The following DPY30 variants were observed in gnomAD, a reference collection of about 807,000 sequenced individuals.
DPY30 encodes dpy-30 histone methyltransferase complex regulatory subunit.
In DPY30, 6 loss-of-function variants were observed where a neutral mutation model predicts 16.2. That is an observed-to-expected ratio of 0.37 (90% CI 0.20 to 0.73). The LOEUF (loss-of-function observed/expected upper bound fraction) is 0.73. DPY30 is among the 30% of genes least tolerant of loss of function. DPY30 has a pLI of 0.51. For missense variants in DPY30, 73 were observed against 113.1 expected (o/e 0.65, Z 1.61); for synonymous variants, 39 against 38.8 (o/e 1.00, Z -0.02).
intron 3 of DPY30, among the ~76,000 whole-genome samples, chr2:32,036,498 C>T (rs1253501382): frequency 1.3e-5 from 2 of 151,814 alleles, no homozygotes; most frequent in Admixed American, 6.6e-5. Context: ...GGTGAAACCC[C>T]GTCTCTACTA....
chr2:32,036,724 C>T (rs1298832200), intron 3 of DPY30, among the ~76,000 whole-genome samples: 4 of 144,762 alleles, frequency 2.8e-5, no homozygotes, highest in East Asian at 2.0e-4. Context: ...AAAAATTAGC[C>T]GGGCATGGTT....
intron 4 of DPY30, among the ~76,000 whole-genome samples, chr2:32,029,274 A>G (rs1675445471): frequency 6.6e-6 from 1 of 152,236 alleles, no homozygotes; most frequent in Non-Finnish European, 1.5e-5. Flanking sequence ...CTGTTTCAAA[A>G]TAACAATAAT....
intron 3 of DPY30, among the ~76,000 whole-genome samples, chr2:32,036,263 T>A (rs1675734127): frequency 6.6e-6 from 1 of 151,942 alleles, no homozygotes; most frequent in Admixed American, 6.6e-5. Context: ...CAGGCATGAG[T>A]CACGTCCCAT....
intron 3 of DPY30, among the ~76,000 whole-genome samples, chr2:32,037,429 C>T (rs1261266590): frequency 6.6e-6 from 1 of 152,106 alleles, no homozygotes; most frequent in African/African-American, 2.4e-5. Flanking sequence ...TTCAGCCTCC[C>T]AAGTAGCTGG....
chr2:32,019,112 G>A (rs1367880243), downstream of DPY30, among the ~76,000 whole-genome samples: 1 of 151,988 alleles, frequency 6.6e-6, no homozygotes, highest in Non-Finnish European at 1.5e-5. Context: ...TATTTATTTT[G>A]AGACAGAGTC....
At chr2:32,039,356 A>AT in intron 2 of DPY30, 30 bp from the exon 3 acceptor site, 1 of 1,614,148 alleles carries the variant, frequency 6.2e-7, no homozygotes, top group African/African-American at 1.3e-5. Context: ...TCACAGAGAT[A>AT]TAAGTCCCCC....
chr2:32,020,188 A>C (rs1012031812), downstream of DPY30, among the ~76,000 whole-genome samples: 1 of 152,044 alleles, frequency 6.6e-6, no homozygotes, highest in African/African-American at 2.4e-5. Context: ...CCTGGGTGAC[A>C]GAGCAAGACT....
chr2:32,014,691 G>C (rs1316713565), intron 5 of DPY30, among the ~76,000 whole-genome samples: 2 of 151,948 alleles, frequency 1.3e-5, no homozygotes, highest in African/African-American at 2.4e-5. Context: ...CACCATGTTA[G>C]CCAGGATGGT....
intron 3 of DPY30, among the ~76,000 whole-genome samples, chr2:32,036,974 T>G (rs1373497514): frequency 6.6e-6 from 1 of 152,230 alleles, no homozygotes; most frequent in East Asian, 1.9e-4. Context: ...CGTTATTTAT[T>G]GACGAGCAAA....
intron 4 of DPY30, among the ~76,000 whole-genome samples, chr2:32,026,569 T>C (rs1200749717): frequency 6.6e-6 from 1 of 152,220 alleles, no homozygotes; most frequent in African/African-American, 2.4e-5. Context: ...GGCAGGCAGA[T>C]CACCTGAAAT....
At chr2:32,030,915 A>G (rs1675515098) in intron 3 of DPY30, among the ~76,000 whole-genome samples, 1 of 152,208 alleles carries the variant, frequency 6.6e-6, no homozygotes, top group South Asian at 2.1e-4. Context: ...TTAATGTCAC[A>G]CTTAAATGAA....
At chr2:32,038,135 C>CTTTTTTTTTTT (rs35016868) in intron 3 of DPY30, among the ~76,000 whole-genome samples, 2 of 108,056 alleles carry the variant, frequency 1.9e-5, no homozygotes, top group African/African-American at 3.4e-5. Flanking sequence ...CATTTTCTTT[C>CTTTTTTTTTTT]TTTTTTTTTT....
intron 5 of DPY30, chr2:32,012,912 A>T (rs1028355434): frequency 2.6e-5 from 4 of 152,132 alleles, no homozygotes; most frequent in Non-Finnish European, 5.9e-5. Flanking sequence ...ATGGTTATTT[A>T]TTGCTGATTT....
intron 3 of DPY30, among the ~76,000 whole-genome samples, chr2:32,038,865 C>G (rs1029110336): frequency 3.3e-5 from 5 of 152,124 alleles, no homozygotes; most frequent in Non-Finnish European, 7.3e-5. Flanking sequence ...TCAGGCTGGT[C>G]TGGAACTCCT....
At chr2:32,031,735 A>G (rs182873870) in intron 3 of DPY30, among the ~76,000 whole-genome samples, 1 of 152,146 alleles carries the variant, frequency 6.6e-6, no homozygotes, top group African/African-American at 2.4e-5. Flanking sequence ...TCTACTAAAA[A>G]TACAAAAATT....
chr2:32,029,516 A>C, intron 4 of DPY30, 78 bp downstream of exon 4: 1 of 1,547,722 alleles, frequency 6.5e-7, no homozygotes, highest in Non-Finnish European at 8.8e-7. Flanking sequence ...AAGTCGCTAT[A>C]CATAACTATG....
intron 5 of DPY30, among the ~76,000 whole-genome samples, chr2:32,015,804 A>G (rs1413839253): frequency 2.0e-5 from 3 of 150,690 alleles, no homozygotes; most frequent in African/African-American, 4.9e-5. Flanking sequence ...GCAGTGACCT[A>G]TGATTGTGCC....
At chr2:32,031,209 T>A (rs969420783) in intron 3 of DPY30, among the ~76,000 whole-genome samples, 5 of 151,768 alleles carry the variant, frequency 3.3e-5, no homozygotes, top group Non-Finnish European at 5.9e-5. Flanking sequence ...GACCATGAGG[T>A]CAGGAGTTCA....
chr2:32,015,344 G>A (rs907597690), intron 5 of DPY30, among the ~76,000 whole-genome samples: 9 of 151,948 alleles, frequency 5.9e-5, no homozygotes, highest in African/African-American at 1.7e-4. Context: ...AGTCAACTTT[G>A]CCCCTGTCTA....
Sources: allele counts gnomAD v4.1 joint callset (sites outside exome capture counted in the v4.1 genomes callset), GRCh38; gene constraint gnomAD v4.1.1; transcripts MANE v1.5; gene names NCBI Gene and HGNC (gene_info 2026-07-23, HGNC 2026-07-21).